Variants in ADGRB3 observed in about 807,000 individuals in gnomAD.
The protein encoded by ADGRB3 is brain-specific angiogenesis inhibitor 3.
A neutral mutation model predicts 193.4 loss-of-function variants in ADGRB3; 37 were observed. That is an observed-to-expected ratio of 0.19 (90% CI 0.15 to 0.25). ADGRB3 has a LOEUF of 0.25. Among genes scored for constraint, ADGRB3 ranks in the 10% least tolerant of loss-of-function variants. ADGRB3 has a pLI of 1.00. For synonymous variants in ADGRB3, 690 were observed against 644.2 expected (o/e 1.07, Z -1.08); for missense variants, 1,637 against 1,852.9 (o/e 0.88, Z 2.14).
chr6:69,361,003 G>A lies in ADGRB3; in HGVS notation c.3730G>A (p.Val1244Ile). Residue 1244 changes from valine to isoleucine, a missense_variant, in exon 29 of 32, where the codon GTC (valine) becomes ATC (isoleucine). Val to Ile is a conservative substitution (Grantham distance 29). Transcript: ENST00000370598. The part of the protein sequence containing the change: ...GLSYSTLPGN[V>I]ISKVIIQQPT... Reference sequence around the variant, plus strand: ...AAGCTATTCAACATTGCCTGGAAATGTCATTTCCAAAGTCATCATCCAGCA... The same window carrying A: ...AAGCTATTCAACATTGCCTGGAAATATCATTTCCAAAGTCATCATCCAGCA... The A allele has an allele frequency of 1.2e-6, 2 of 1,612,740 alleles. No homozygotes were observed. Among genetic ancestry groups the A allele is most frequent in the South Asian group, 2.2e-5 (2 of 91,060 alleles).
At chr6:68,743,889 T>G (rs1562012960) in intron 3 of ADGRB3, among the ~76,000 whole-genome samples, 1 of 151,998 alleles carries the variant, frequency 6.6e-6, no homozygotes, top group East Asian at 1.9e-4. Context: ...AACAGAGGAC[T>G]GCTTAGAAAC....
At chr6:69,172,258 T>G (rs1775289538) in intron 17 of ADGRB3, among the ~76,000 whole-genome samples, 2 of 152,152 alleles carry the variant, frequency 1.3e-5, no homozygotes, top group Admixed American at 1.3e-4. Flanking sequence ...AACCTAATTA[T>G]GCCTACCTCT....
At chr6:69,165,055 T>A (rs1775096545) in intron 17 of ADGRB3, among the ~76,000 whole-genome samples, 1 of 151,616 alleles carries the variant, frequency 6.6e-6, no homozygotes, top group South Asian at 2.1e-4. Context: ...ACTCCAAATC[T>A]CTTCCACCCG....
At chr6:68,972,143 A>G (rs1450915396) in intron 8 of ADGRB3, among the ~76,000 whole-genome samples, 2 of 152,192 alleles carry the variant, frequency 1.3e-5, no homozygotes, top group Admixed American at 1.3e-4. Flanking sequence ...TGTTGTTTCT[A>G]TTCCCAAGAT....
At chr6:69,158,764 G>A (rs1037410127) in intron 17 of ADGRB3, among the ~76,000 whole-genome samples, 1 of 151,922 alleles carries the variant, frequency 6.6e-6, no homozygotes, top group African/African-American at 2.4e-5. Context: ...CCACTCAGCT[G>A]TTTCTCATCT....
chr6:68,703,663 C>T (rs1206677056), intron 3 of ADGRB3, among the ~76,000 whole-genome samples: 1 of 152,124 alleles, frequency 6.6e-6, no homozygotes, highest in Non-Finnish European at 1.5e-5. Context: ...CGCTCTGTTG[C>T]CCAGCCTGGA....
At chr6:69,199,355 GTTAAA>G (rs1398124645) in intron 17 of ADGRB3, among the ~76,000 whole-genome samples, 9 of 152,064 alleles carry the variant, frequency 5.9e-5, no homozygotes, top group Non-Finnish European at 1.3e-4. Context: ...CCTTGGGCAA[GTTAAA>G]TTATCATTGC....
intron 17 of ADGRB3, among the ~76,000 whole-genome samples, chr6:69,230,115 G>GA (rs1338026324): frequency 1.3e-5 from 2 of 151,980 alleles, no homozygotes; most frequent in African/African-American, 4.8e-5. Context: ...AACCATTTGG[G>GA]AAAAAAATGA....
chr6:68,848,544 G>C (rs919263106), intron 3 of ADGRB3, among the ~76,000 whole-genome samples: 2 of 151,976 alleles, frequency 1.3e-5, no homozygotes, highest in Non-Finnish European at 2.9e-5. Context: ...TAGCTTTTGG[G>C]TGTTCTATTT....
chr6:68,652,490 C>T (rs946731852), intron 3 of ADGRB3, among the ~76,000 whole-genome samples: 9 of 152,096 alleles, frequency 5.9e-5, no homozygotes, highest in Non-Finnish European at 1.3e-4. Flanking sequence ...ATCTTTCTCT[C>T]TGGTCATCTG....
intron 3 of ADGRB3, among the ~76,000 whole-genome samples, chr6:68,756,319 T>G (rs1361155686): frequency 2.0e-5 from 3 of 152,126 alleles, no homozygotes; most frequent in Non-Finnish European, 4.4e-5. Flanking sequence ...ACCCCATGGG[T>G]ATGAGAGTTA....
rs771342538 is a variant in ADGRB3 at position 68,807,235 on chromosome 6, C to CTTTTTTTTTTTTTT, written c.758-123317_758-123304dup. On this transcript the variant is annotated intron_variant, in intron 3 of 31. Coordinates refer to ENST00000370598, the MANE Select transcript of ADGRB3 (RefSeq NM_001704.3). ...TTTTTCTTTTTCTTTTTTCTTTTTT[C>CTTTTTTTTTTTTTT]TTTTTTTTTTTTTTTTTTTTGAGAC... Among the ~76,000 whole-genome samples the CTTTTTTTTTTTTTT allele has an allele frequency of 2.1e-3, 207 of 100,178 alleles. 1 individual carries two copies. Among genetic ancestry groups the CTTTTTTTTTTTTTT allele is most frequent in the South Asian group, 3.4e-3 (10 of 2,930 alleles). 65.7% of individuals were successfully genotyped at this position (100,178 alleles called of 152,430 possible). A position where few individuals can be genotyped will look rare whatever the true frequency, so the allele number is the denominator to read the frequency against.
chr6:69,234,672 G>A (rs1322759805), intron 18 of ADGRB3, among the ~76,000 whole-genome samples: 5 of 152,084 alleles, frequency 3.3e-5, no homozygotes, highest in Admixed American at 6.6e-5. Flanking sequence ...CCTGCAGTTA[G>A]TTAAAGAAAA....
intron 3 of ADGRB3, among the ~76,000 whole-genome samples, chr6:68,777,630 A>C (rs561143104): frequency 6.7e-6 from 1 of 149,170 alleles, no homozygotes; most frequent in African/African-American, 2.5e-5. Flanking sequence ...AATGGGACCA[A>C]AGGGATTAGG....
At chr6:68,917,980 A>T (rs1454869373) in intron 3 of ADGRB3, among the ~76,000 whole-genome samples, 1 of 152,188 alleles carries the variant, frequency 6.6e-6, no homozygotes, top group Non-Finnish European at 1.5e-5. Flanking sequence ...TTGTATCCCC[A>T]CTAGGAGGAT....
At chr6:68,696,046 C>G (rs1765151883) in intron 3 of ADGRB3, among the ~76,000 whole-genome samples, 1 of 151,920 alleles carries the variant, frequency 6.6e-6, no homozygotes, top group African/African-American at 2.4e-5. Flanking sequence ...CTGAATCTCC[C>G]CTTCCTCCTC....
intron 3 of ADGRB3, among the ~76,000 whole-genome samples, chr6:68,679,166 A>G (rs1447016252): frequency 5.9e-5 from 9 of 151,914 alleles, no homozygotes; most frequent in Non-Finnish European, 1.3e-4. Flanking sequence ...AAGTCTAGAC[A>G]AAAAAAATCA....
chr6:69,211,348 A>G (rs1017950574), intron 17 of ADGRB3, among the ~76,000 whole-genome samples: 1 of 152,280 alleles, frequency 6.6e-6, no homozygotes, highest in Non-Finnish European at 1.5e-5. Flanking sequence ...AATATCATAC[A>G]AGCTGTGGGC....
intron 6 of ADGRB3, among the ~76,000 whole-genome samples, chr6:68,952,911 A>G (rs1582343484): frequency 6.6e-6 from 1 of 152,166 alleles, no homozygotes; most frequent in East Asian, 1.9e-4. Flanking sequence ...AACACAGAAT[A>G]TGTACATGGT....
Sources: gnomAD v4.1 joint callset for allele counts (sites outside exome capture counted in the v4.1 genomes callset) on GRCh38, gnomAD v4.1.1 for gene constraint, MANE v1.5 for transcripts, NCBI Gene and HGNC (gene_info 2026-07-23, HGNC 2026-07-21) for gene names.